MAGI3: variants seen among roughly 807,000 people sequenced by gnomAD.
MAGI3 encodes membrane associated guanylate kinase, WW and PDZ domain containing 3, also known as membrane-associated guanylate kinase, WW and PDZ domain-containing protein 3.
MAGI3 carries 43 observed loss-of-function variants against 121.8 expected under a neutral mutation model. The observed-to-expected ratio is 0.35, with a 90% CI of 0.28 to 0.46. The LOEUF is 0.46. Among genes scored for constraint, MAGI3 ranks in the 20% least tolerant of loss-of-function variants. MAGI3 has a pLI of 1.00. For missense variants in MAGI3, 1,547 were observed against 1,797.3 expected, an observed-to-expected ratio of 0.86 and a Z score of 2.52; for synonymous variants, 553 against 639.3, an observed-to-expected ratio of 0.86 and a Z score of 2.04.
chr1:113,679,906 T>A (rs113404564), intron 19 of MAGI3, among the ~76,000 whole-genome samples: 9,799 of 152,070 alleles, frequency 0.064, 414 homozygotes, highest in Non-Finnish European at 0.099. Flanking sequence ...GGTTTCTCCA[T>A]GTTGGTCAGG....
intron 7 of MAGI3, among the ~76,000 whole-genome samples, chr1:113,617,732 G>A (rs1270687995): frequency 1.3e-5 from 2 of 152,158 alleles, no homozygotes; most frequent in African/African-American, 4.8e-5. Flanking sequence ...ATTCTTTTCT[G>A]AGTGTCAATT....
chr1:113,593,283 T>C (rs565072424), intron 5 of MAGI3, among the ~76,000 whole-genome samples: 10 of 152,334 alleles, frequency 6.6e-5, no homozygotes, highest in African/African-American at 1.4e-4. Context: ...CAGTTAAGTA[T>C]GACATGGTAT....
intron 5 of MAGI3, among the ~76,000 whole-genome samples, chr1:113,592,205 T>C (rs1432776730): frequency 3.3e-5 from 5 of 152,158 alleles, no homozygotes; most frequent in African/African-American, 1.2e-4. Context: ...ATATGTAGAA[T>C]ATAGTTAAAT....
chr1:113,504,707 C>A (rs1030122902), intron 1 of MAGI3, among the ~76,000 whole-genome samples: 1 of 152,032 alleles, frequency 6.6e-6, no homozygotes, highest in Non-Finnish European at 1.5e-5. Flanking sequence ...AATTCCACTT[C>A]AGGAAATATA....
chr1:113,553,696 G>A (rs529782834), intron 2 of MAGI3, among the ~76,000 whole-genome samples: 22 of 152,256 alleles, frequency 1.4e-4, no homozygotes, highest in African/African-American at 4.6e-4. Context: ...AAGAAGGAAA[G>A]AAGTAAATCA....
intron 9 of MAGI3, 115 bp downstream of exon 9, chr1:113,623,109 G>A: frequency 1.4e-6 from 1 of 708,328 alleles, no homozygotes; most frequent in Non-Finnish European, 2.1e-6. Context: ...ACTAAAGAAA[G>A]AGATTCCAGT....
intron 1 of MAGI3, among the ~76,000 whole-genome samples, chr1:113,476,041 G>A (rs1416652597): frequency 6.6e-6 from 1 of 152,098 alleles, no homozygotes; most frequent in Non-Finnish European, 1.5e-5. Flanking sequence ...TTCTCTGATG[G>A]TAGTTTGTAT....
At chr1:113,594,959 A>T (rs553584856) in intron 6 of MAGI3, among the ~76,000 whole-genome samples, 1 of 152,338 alleles carries the variant, frequency 6.6e-6, no homozygotes, top group South Asian at 2.1e-4. Context: ...TACAGTAGAT[A>T]TGCAAGTATC....
chr1:113,436,195 T>A (rs888598760), intron 1 of MAGI3, among the ~76,000 whole-genome samples: 6 of 152,152 alleles, frequency 3.9e-5, no homozygotes, highest in Non-Finnish European at 8.8e-5. Flanking sequence ...CAGGGCTGAA[T>A]AACAATCATT....
intron 1 of MAGI3, among the ~76,000 whole-genome samples, chr1:113,397,985 C>G (rs1651205280): frequency 6.6e-6 from 1 of 152,192 alleles, no homozygotes; most frequent in Non-Finnish European, 1.5e-5. Flanking sequence ...CCACAGCCGA[C>G]TGGCTTCCAG....
At chr1:113,682,655 A>G (rs1648289689) in intron 20 of MAGI3, 5 of 976,762 alleles carry the variant, frequency 5.1e-6, no homozygotes, top group Non-Finnish European at 4.9e-6. Flanking sequence ...CACTAATTAT[A>G]TGTAATTGGA....
chr1:113,468,703 G>T (rs1334550421), intron 1 of MAGI3, among the ~76,000 whole-genome samples: 1 of 152,078 alleles, frequency 6.6e-6, no homozygotes, highest in East Asian at 1.9e-4. Context: ...TTTAATTATT[G>T]ATTACCCATT....
intron 9 of MAGI3, among the ~76,000 whole-genome samples, chr1:113,628,525 A>G (rs1220085139): frequency 6.6e-6 from 1 of 152,146 alleles, no homozygotes; most frequent in Non-Finnish European, 1.5e-5. Context: ...GTACCTTCAG[A>G]TGATTTCTTA....
At chr1:113,568,889 A>G (rs946098703) in intron 2 of MAGI3, among the ~76,000 whole-genome samples, 3 of 152,116 alleles carry the variant, frequency 2.0e-5, no homozygotes, top group African/African-American at 4.8e-5. Context: ...ATTTTTTTCA[A>G]CTAGACACAA....
At chr1:113,405,530 C>G (rs1026981233) in intron 1 of MAGI3, among the ~76,000 whole-genome samples, 2 of 140,578 alleles carry the variant, frequency 1.4e-5, no homozygotes, top group Admixed American at 1.4e-4. Context: ...AGGAATGCCA[C>G]TTATAAATAC....
At chr1:113,584,000 G>A (rs1322860735) in intron 3 of MAGI3, among the ~76,000 whole-genome samples, 1 of 152,024 alleles carries the variant, frequency 6.6e-6, no homozygotes, top group African/African-American at 2.4e-5. Flanking sequence ...CACAATTTAA[G>A]GTAAACTATG....
At chr1:113,434,417 A>AC (rs1279379752) in intron 1 of MAGI3, among the ~76,000 whole-genome samples, 2 of 151,934 alleles carry the variant, frequency 1.3e-5, no homozygotes, top group Non-Finnish European at 2.9e-5. Context: ...CACCACCACC[A>AC]CACACACACA....
rs202005927 is a variant in MAGI3, at chr1:113,416,338, CATATATTAATT to C, written c.316+25001_316+25011del. Among the ~76,000 whole-genome samples the C allele has an allele frequency of 5.1e-3, 277 of 53,828 alleles. 13 individuals carry two copies. The highest frequency in any genetic ancestry group is 6.5e-3 in the Admixed American group (28 of 4,330). 35.3% of individuals were successfully genotyped at this position (53,828 alleles called of 152,430 possible). ...ATTATGTAATTAATTATATATCAATCATATATTAATTATATATTAATTTATATTATATTAAT... is the reference window on the plus strand; with the variant it reads ...ATTATGTAATTAATTATATATCAATCATATATTAATTTATATTATATTAAT... On this transcript the variant is annotated intron_variant, in intron 1 of 20. Transcript: ENST00000307546.
At chr1:113,562,441 A>C (rs1660278173) in intron 2 of MAGI3, among the ~76,000 whole-genome samples, 1 of 152,220 alleles carries the variant, frequency 6.6e-6, no homozygotes, top group African/African-American at 2.4e-5. Context: ...AACAAATGGA[A>C]AAACATTCCA....
Sources: gnomAD v4.1 joint callset for allele counts (sites outside exome capture counted in the v4.1 genomes callset) on GRCh38, gnomAD v4.1.1 for gene constraint, MANE v1.5 for transcripts, NCBI Gene and HGNC (gene_info 2026-07-23, HGNC 2026-07-21) for gene names.